Variants in DNAH5 observed in about 807,000 individuals in gnomAD.
DNAH5 encodes the protein dynein axonemal heavy chain 5, also known as axonemal beta dynein heavy chain 5.
DNAH5 carries 372 observed loss-of-function variants against 518.2 expected under a neutral mutation model. The observed-to-expected ratio is 0.72, with a 90% CI of 0.66 to 0.78. DNAH5 has a LOEUF of 0.78. DNAH5 is among the 30% of genes least tolerant of loss of function. The pLI is 0.00. For missense variants in DNAH5, 5,523 were observed against 5,687.0 expected (o/e 0.97, Z 0.93); for synonymous variants, 2,039 against 2,025.9 (o/e 1.01, Z -0.17).
intron 1 of DNAH5, among the ~76,000 whole-genome samples, chr5:13,996,603 C>T (rs2152078946): frequency 6.6e-6 from 1 of 152,228 alleles, no homozygotes; most frequent in East Asian, 1.9e-4. Context: ...CAGGACCTGA[C>T]CAAGTCCAAA....
chr5:13,732,035 A>G (rs1256125174), intron 68 of DNAH5, among the ~76,000 whole-genome samples: 1 of 151,314 alleles, frequency 6.6e-6, no homozygotes, highest in African/African-American at 2.4e-5. Context: ...CAGGAGGATC[A>G]CCTAAGCCCA....
At chr5:13,866,417 G>C (rs1203241712) in intron 25 of DNAH5, 135 bp from the exon 26 acceptor site, 2 of 761,578 alleles carry the variant, frequency 2.6e-6, no homozygotes, top group Admixed American at 6.3e-5. Flanking sequence ...TAGAAAAAAA[G>C]GGCCTCACAA....
chr5:13,692,950 A>G (rs912465744), intron 78 of DNAH5, among the ~76,000 whole-genome samples: 1 of 152,190 alleles, frequency 6.6e-6, no homozygotes, highest in Non-Finnish European at 1.5e-5. Context: ...TAAAATTTAT[A>G]AATAAAAAAG....
At chr5:13,737,139 C>A in intron 66 of DNAH5, 113 bp downstream of exon 66, 1 of 1,526,142 alleles carries the variant, frequency 6.6e-7, no homozygotes, top group Non-Finnish European at 9.0e-7. Context: ...CACAAAACAC[C>A]TCCACTTTGC....
At chr5:13,755,813 G>C (rs1750918210) in intron 61 of DNAH5, among the ~76,000 whole-genome samples, 1 of 152,098 alleles carries the variant, frequency 6.6e-6, no homozygotes, top group African/African-American at 2.4e-5. Flanking sequence ...ATATTGATTT[G>C]CTTTCTCTAA....
intron 24 of DNAH5, 96 bp from the exon 25 acceptor site, chr5:13,868,088 T>C: frequency 1.0e-6 from 1 of 981,128 alleles, no homozygotes; most frequent in Non-Finnish European, 1.6e-6. Flanking sequence ...AATACCAGAA[T>C]AATAGTGAAA....
chr5:13,864,283 G>A, intron 28 of DNAH5, 114 bp downstream of exon 28: 1 of 1,418,212 alleles, frequency 7.1e-7, no homozygotes, highest in Non-Finnish European at 9.9e-7. Context: ...TGAATGCCAG[G>A]AGAAGAGTTT....
At chr5:13,702,463 C>A (rs1742239396) in intron 76 of DNAH5, among the ~76,000 whole-genome samples, 1 of 152,160 alleles carries the variant, frequency 6.6e-6, no homozygotes, top group East Asian at 1.9e-4. Context: ...GGTCTGAGGG[C>A]AGAGGGAGCC....
intron 1 of DNAH5, among the ~76,000 whole-genome samples, chr5:13,983,151 TCCCA>T: frequency 6.6e-6 from 1 of 152,284 alleles, no homozygotes; most frequent in African/African-American, 2.4e-5. Flanking sequence ...CCAAGACCAG[TCCCA>T]GCAGCAGGGT....
intron 30 of DNAH5, among the ~76,000 whole-genome samples, chr5:13,852,810 G>C (rs1029253321): frequency 2.0e-5 from 3 of 152,184 alleles, no homozygotes; most frequent in African/African-American, 7.2e-5. Context: ...TAGCCAGACT[G>C]CCTCTCTAGA....
In DNAH5 at chr5:13,876,853, C is replaced by T. The variant is rs779063584; in HGVS notation, c.3263-36G>A. On this transcript the variant is annotated intron_variant, in intron 21 of 78. Transcript: ENST00000265104. ...AAAAAGAAGAGAAAACTTTACACTA[C>T]TCACACAAGAATGTACTTTCAGGAG... 2.1e-5 allele frequency: 34 copies of T among 1,601,786 alleles called. 1 individual carries two copies. The Admixed American group carries it at 5.2e-4, about 24-fold the overall frequency.
chr5:13,802,676 G>A (rs143559603), intron 47 of DNAH5, among the ~76,000 whole-genome samples: 2,847 of 152,296 alleles, frequency 0.019, 56 homozygotes, highest in East Asian at 0.025. Context: ...CAGCTGAGGC[G>A]ACGGTGCATT....
At chr5:13,761,990 T>C (rs1751849428) in intron 60 of DNAH5, among the ~76,000 whole-genome samples, 1 of 152,204 alleles carries the variant, frequency 6.6e-6, no homozygotes, top group African/African-American at 2.4e-5. Context: ...AGAATGTAGT[T>C]GATGATTAAG....
chr5:13,780,998 T>A lies in DNAH5; in HGVS notation c.8821-39A>T, dbSNP rs372824793. 1.9e-5 allele frequency: 31 copies of A among 1,607,634 alleles called. No homozygotes were observed. In the African/African-American group the frequency reaches 3.2e-4, roughly 17 times the overall value. On this transcript the variant is annotated intron_variant, in intron 52 of 78. Coordinates refer to ENST00000265104, the MANE Select transcript of DNAH5 (RefSeq NM_001369.3). ...CAGAAAAAGTATGTATCTTTCAACA[T>A]GTAAATGTTCTATTTTTCCTATTTA...
At chr5:13,708,566 G>A (rs1198900159) in intron 75 of DNAH5, among the ~76,000 whole-genome samples, 1 of 152,062 alleles carries the variant, frequency 6.6e-6, no homozygotes, top group Non-Finnish European at 1.5e-5. Context: ...AGGCAGCCAT[G>A]AATTCACAGA....
At chr5:13,811,311 A>C (rs2127023847) in intron 44 of DNAH5, among the ~76,000 whole-genome samples, 1 of 152,362 alleles carries the variant, frequency 6.6e-6, no homozygotes, top group Admixed American at 6.5e-5. Context: ...CCCCATAAGT[A>C]TGTATACCTA....
At chr5:13,776,820 C>G in intron 54 of DNAH5, 114 bp from the exon 55 acceptor site, 3 of 1,191,366 alleles carry the variant, frequency 2.5e-6, no homozygotes, top group Middle Eastern at 2.8e-4. Flanking sequence ...AACTCACCTA[C>G]AGAAAATTGA....
intron 13 of DNAH5, 105 bp downstream of exon 13, chr5:13,901,948 G>T: frequency 1.1e-6 from 1 of 871,376 alleles, no homozygotes; most frequent in Non-Finnish European, 1.8e-6. Flanking sequence ...TGCCAAGAGA[G>T]GTTTTCCTTT....
intron 55 of DNAH5, among the ~76,000 whole-genome samples, chr5:13,775,072 T>C (rs1251568387): frequency 2.6e-5 from 4 of 151,996 alleles, no homozygotes; most frequent in Non-Finnish European, 5.9e-5. Context: ...TCTTTTGTTC[T>C]TTTTATTAAT....
Sources: gnomAD v4.1 joint callset for allele counts (sites outside exome capture counted in the v4.1 genomes callset) on GRCh38, gnomAD v4.1.1 for gene constraint, MANE v1.5 for transcripts, NCBI Gene and HGNC (gene_info 2026-07-23, HGNC 2026-07-21) for gene names.